CHCHD3: variants seen among roughly 807,000 people sequenced by gnomAD.
The protein encoded by CHCHD3 is coiled-coil-helix-coiled-coil-helix domain containing 3.
Under a neutral mutation model 38.2 loss-of-function variants are expected in CHCHD3, and 20 were observed. That is an observed-to-expected ratio of 0.52 (90% CI 0.37 to 0.76). The LOEUF is 0.76. Ranked by LOEUF, CHCHD3 falls within the 30% of genes least tolerant of loss-of-function variation. The probability of loss-of-function intolerance (pLI) is 0.00; values close to 1 mark genes in which losing one functional copy is unlikely to be tolerated. For synonymous variants in CHCHD3, 82 were observed against 100.0 expected, an observed-to-expected ratio of 0.82 and a Z score of 1.07; for missense variants, 245 against 279.2, an observed-to-expected ratio of 0.88 and a Z score of 0.87.
chr7:132,966,521 T>A (rs1811467992), intron 4 of CHCHD3, among the ~76,000 whole-genome samples: 1 of 152,124 alleles, frequency 6.6e-6, no homozygotes, highest in Admixed American at 6.5e-5. Context: ...TAACATCCAA[T>A]ACACGAAAAT....
intron 5 of CHCHD3, among the ~76,000 whole-genome samples, chr7:132,853,801 A>G (rs527625570): frequency 1.3e-5 from 2 of 152,176 alleles, no homozygotes; most frequent in Non-Finnish European, 2.9e-5. Flanking sequence ...TCAGAAGTCT[A>G]GGATGAATTG....
intron 3 of CHCHD3, among the ~76,000 whole-genome samples, chr7:132,989,537 C>T (rs1008011319): frequency 6.6e-6 from 1 of 152,140 alleles, no homozygotes; most frequent in African/African-American, 2.4e-5. Context: ...TTACTTTATA[C>T]CTAAAGTCCC....
chr7:132,965,148 G>A (rs1299236924), intron 4 of CHCHD3, among the ~76,000 whole-genome samples: 1 of 151,790 alleles, frequency 6.6e-6, no homozygotes, highest in Non-Finnish European at 1.5e-5. Context: ...ACTCTTAGCT[G>A]CAGTAATTTC....
intron 5 of CHCHD3, among the ~76,000 whole-genome samples, chr7:132,842,406 T>C (rs540187324): frequency 6.6e-6 from 1 of 152,350 alleles, no homozygotes; most frequent in South Asian, 2.1e-4. Context: ...GTTCCCCTTA[T>C]GTCCACATCT....
Position 132,797,987 on chromosome 7 carries a change from T to C in CHCHD3, c.525-1410A>G, listed in dbSNP as rs139670138. Among the ~76,000 whole-genome samples, 9 of 152,326 alleles carry C rather than the reference T, an allele frequency of 5.9e-5. No homozygotes were observed. In the East Asian group the frequency reaches 1.5e-3, roughly 26 times the overall value. ...TTGAAATTTAAATTTGTTATTTCCA[T>C]AGTAATCTTGAAATCACATTATTTT... On this transcript the variant is annotated intron_variant, in intron 6 of 7. Transcript: ENST00000262570.
intron 3 of CHCHD3, among the ~76,000 whole-genome samples, chr7:133,012,387 A>C (rs1812899637): frequency 6.6e-6 from 1 of 152,214 alleles, no homozygotes; most frequent in Admixed American, 6.5e-5. Flanking sequence ...AAGTCCTTTC[A>C]TTTGTGAAAT....
intron 5 of CHCHD3, among the ~76,000 whole-genome samples, chr7:132,847,707 T>C (rs898635169): frequency 1.3e-5 from 2 of 152,236 alleles, no homozygotes; most frequent in African/African-American, 4.8e-5. Flanking sequence ...TTTCAAGTTC[T>C]AAATTTGATC....
intron 4 of CHCHD3, among the ~76,000 whole-genome samples, chr7:132,919,999 A>T (rs1044897333): frequency 2.0e-5 from 3 of 152,110 alleles, no homozygotes; most frequent in Non-Finnish European, 4.4e-5. Flanking sequence ...AAGTTTTCTT[A>T]AGTGAGAGAA....
chr7:132,973,137 G>GTT, intron 4 of CHCHD3: 1 of 985,366 alleles, frequency 1.0e-6, no homozygotes, highest in Non-Finnish European at 1.2e-6. Context: ...AACTAAGAGA[G>GTT]TAAGACAGTA....
chr7:132,911,979 A>C (rs1463298160), intron 4 of CHCHD3, among the ~76,000 whole-genome samples: 1 of 152,188 alleles, frequency 6.6e-6, no homozygotes, highest in Non-Finnish European at 1.5e-5. Context: ...TTCCATCTTT[A>C]GGTTCCCTTA....
intron 4 of CHCHD3, among the ~76,000 whole-genome samples, chr7:132,927,898 T>C (rs1321826684): frequency 6.6e-6 from 1 of 152,188 alleles, no homozygotes; most frequent in Non-Finnish European, 1.5e-5. Flanking sequence ...CCTAAAGACA[T>C]CTTTACCCTG....
intron 4 of CHCHD3, among the ~76,000 whole-genome samples, chr7:132,894,776 C>T (rs528589040): frequency 8.3e-4 from 126 of 152,188 alleles, no homozygotes; most frequent in Non-Finnish European, 1.5e-3. Flanking sequence ...CTAATGTCTA[C>T]GATTTAGTTC....
intron 2 of CHCHD3, among the ~76,000 whole-genome samples, chr7:133,048,266 C>CT (rs1459112409): frequency 6.6e-6 from 1 of 152,160 alleles, no homozygotes; most frequent in African/African-American, 2.4e-5. Context: ...TGCTAGTACT[C>CT]TGACACTGGG....
intron 1 of CHCHD3, among the ~76,000 whole-genome samples, chr7:133,077,440 T>C (rs1815033932): frequency 6.6e-6 from 1 of 152,224 alleles, no homozygotes; most frequent in Admixed American, 6.5e-5. Context: ...ATATTAAGTA[T>C]CCATACTGCC....
At chr7:133,001,169 G>A (rs1562934291) in intron 3 of CHCHD3, among the ~76,000 whole-genome samples, 1 of 152,074 alleles carries the variant, frequency 6.6e-6, no homozygotes, top group Non-Finnish European at 1.5e-5. Flanking sequence ...TTACCTTCTG[G>A]CATATAAATG....
At chr7:132,960,551 G>A (rs917867478) in intron 4 of CHCHD3, among the ~76,000 whole-genome samples, 1 of 152,164 alleles carries the variant, frequency 6.6e-6, no homozygotes, top group East Asian at 1.9e-4. Context: ...GCATGACAGG[G>A]AATGATGGGA....
chr7:132,820,611 GT>G (rs748470167), intron 6 of CHCHD3, among the ~76,000 whole-genome samples: 14,786 of 96,082 alleles, frequency 0.15, 601 homozygotes, highest in African/African-American at 0.2. Flanking sequence ...ATGTGCTAGT[GT>G]TTTTTTTTTT....
chr7:133,042,083 C>A (rs1381861785), intron 2 of CHCHD3, among the ~76,000 whole-genome samples: 2 of 152,160 alleles, frequency 1.3e-5, no homozygotes, highest in Non-Finnish European at 2.9e-5. Context: ...AATGACAGAA[C>A]TGCCACATTC....
chr7:132,900,113 T>C (rs1809627517), intron 4 of CHCHD3, among the ~76,000 whole-genome samples: 1 of 148,492 alleles, frequency 6.7e-6, no homozygotes. Context: ...GCCTAAGCCT[T>C]AGCAATATTC....
Sources: gnomAD v4.1 joint callset for allele counts (sites outside exome capture counted in the v4.1 genomes callset) on GRCh38, gnomAD v4.1.1 for gene constraint, MANE v1.5 for transcripts, NCBI Gene and HGNC (gene_info 2026-07-23, HGNC 2026-07-21) for gene names.